Variants in DOCK4 observed in about 807,000 individuals in gnomAD.
The protein encoded by DOCK4 is dedicator of cytokinesis 4.
DOCK4 carries 97 observed loss-of-function variants against 268.1 expected under a neutral mutation model. The ratio of observed to expected loss-of-function variants is 0.36; its 90% confidence interval spans 0.31 to 0.43. The LOEUF is 0.43. DOCK4 is among the 20% of genes least tolerant of loss of function. The pLI is 1.00. For missense variants in DOCK4, 2,145 were observed against 2,455.7 expected (o/e 0.87, Z 2.67); for synonymous variants, 954 against 887.2 (o/e 1.08, Z -1.34).
intron 1 of DOCK4, among the ~76,000 whole-genome samples, chr7:112,053,723 T>C (rs1425879221): frequency 6.6e-6 from 1 of 151,448 alleles, no homozygotes; most frequent in East Asian, 1.9e-4. Flanking sequence ...AAACCAGCTA[T>C]GTCTATCAGA....
At chr7:111,891,189 GA>G (rs11396137) in intron 16 of DOCK4, among the ~76,000 whole-genome samples, 2 of 150,232 alleles carry the variant, frequency 1.3e-5, no homozygotes, top group South Asian at 2.1e-4. Context: ...TGGTCAAAAT[GA>G]AAAAAAAATT....
At chr7:112,148,674 G>T (rs2560642) in intron 1 of DOCK4, among the ~76,000 whole-genome samples, 10,464 of 151,948 alleles carry the variant, frequency 0.069, 1,171 homozygotes, top group African/African-American at 0.24. Flanking sequence ...AAAGGGTTTT[G>T]TTTTGTTTTG....
intron 36 of DOCK4, among the ~76,000 whole-genome samples, chr7:111,777,389 C>A (rs905713742): frequency 2.6e-5 from 4 of 152,000 alleles, no homozygotes; most frequent in African/African-American, 9.7e-5. Flanking sequence ...ACAGAAGGAA[C>A]CTGGGAACTT....
chr7:111,815,509 G>A (rs1205560475), intron 27 of DOCK4, among the ~76,000 whole-genome samples: 1 of 152,106 alleles, frequency 6.6e-6, no homozygotes, highest in Non-Finnish European at 1.5e-5. Flanking sequence ...GTTTGAATAT[G>A]GGGATATTGC....
intron 36 of DOCK4, among the ~76,000 whole-genome samples, chr7:111,772,444 A>G (rs904858365): frequency 6.6e-6 from 1 of 152,152 alleles, no homozygotes; most frequent in Non-Finnish European, 1.5e-5. Context: ...ACTTAATACC[A>G]CTGAACTGTA....
Position 112,206,312 on chromosome 7 carries a change from G to A in DOCK4, c.-174C>T. 10 of 659,562 alleles carry A rather than the reference G, an allele frequency of 1.5e-5. No homozygotes were observed. Among genetic ancestry groups the A allele is most frequent in the Non-Finnish European group, 2.3e-5 (9 of 392,904 alleles). 40.9% of individuals were successfully genotyped at this position (659,562 alleles called of 1,614,324 possible). On this transcript the variant is annotated 5_prime_UTR_variant, in exon 1 of 53. Coordinates refer to ENST00000428084, the MANE Select transcript of DOCK4 (RefSeq NM_001363540.2). ...GGCTCCCGAGCCCAGCGTTGACACT[G>A]CGCCGCCCGCAGCTCTCCCGGCGGC...
chr7:112,041,681 T>A (rs1804375373), intron 1 of DOCK4, among the ~76,000 whole-genome samples: 1 of 152,194 alleles, frequency 6.6e-6, no homozygotes, highest in South Asian at 2.1e-4. Context: ...TAGTAAGTGG[T>A]TCCTGTTCTG....
chr7:111,932,749 G>A (rs1004692477), intron 12 of DOCK4, among the ~76,000 whole-genome samples: 3 of 151,950 alleles, frequency 2.0e-5, no homozygotes, highest in East Asian at 1.9e-4. Flanking sequence ...TTCAAAATAC[G>A]GTATGTTCTT....
intron 1 of DOCK4, among the ~76,000 whole-genome samples, chr7:112,069,913 G>C (rs1472923435): frequency 6.6e-6 from 1 of 152,324 alleles, no homozygotes; most frequent in African/African-American, 2.4e-5. Flanking sequence ...GGCACGTGCA[G>C]CCATGGGAAG....
intron 1 of DOCK4, among the ~76,000 whole-genome samples, chr7:112,092,765 A>G (rs1809749945): frequency 6.6e-6 from 1 of 152,186 alleles, no homozygotes; most frequent in Non-Finnish European, 1.5e-5. Flanking sequence ...TCAGAAGGCC[A>G]TAATCACTAT....
intron 5 of DOCK4, among the ~76,000 whole-genome samples, chr7:111,990,756 C>T (rs1799456442): frequency 6.6e-6 from 1 of 152,222 alleles, no homozygotes; most frequent in South Asian, 2.1e-4. Context: ...CATTACAAGG[C>T]CACTGTAACA....
intron 25 of DOCK4, among the ~76,000 whole-genome samples, chr7:111,836,998 T>C (rs902712196): frequency 2.6e-5 from 4 of 151,938 alleles, no homozygotes; most frequent in African/African-American, 4.8e-5. Context: ...TTCAAACTCT[T>C]TGAAAATTAT....
chr7:112,130,072 G>T lies in DOCK4; in HGVS notation c.37+76030C>A, dbSNP rs185162724. On this transcript the variant is annotated intron_variant, in intron 1 of 52. Coordinates refer to ENST00000428084, the MANE Select transcript of DOCK4 (RefSeq NM_001363540.2). ...TTTAACTCTGCCTGGAAAGGTCAGGGGAGGCTTCCCGCATTCAGGGAAATT... is the reference window on the plus strand; with the variant it reads ...TTTAACTCTGCCTGGAAAGGTCAGGTGAGGCTTCCCGCATTCAGGGAAATT... Among the ~76,000 whole-genome samples the T allele has an allele frequency of 1.1e-3, 172 of 152,296 alleles. 2 individuals carry two copies. Among genetic ancestry groups the T allele is most frequent in the Admixed American group, 1.4e-3 (22 of 15,306 alleles).
intron 42 of DOCK4, among the ~76,000 whole-genome samples, chr7:111,751,263 G>A (rs1248356335): frequency 2.0e-5 from 3 of 152,254 alleles, no homozygotes; most frequent in Middle Eastern, 3.4e-3. Context: ...GATGCAGTCT[G>A]CAGAATCCAC....
chr7:112,156,848 T>G (rs1285708928), intron 1 of DOCK4, among the ~76,000 whole-genome samples: 1 of 152,182 alleles, frequency 6.6e-6, no homozygotes, highest in African/African-American at 2.4e-5. Flanking sequence ...TATTAGAATA[T>G]ATAAGTAAAG....
chr7:112,182,951 T>C lies in DOCK4; in HGVS notation c.37+23151A>G, dbSNP rs1819186850. ...GCACAGCTGGCTGGGCCCAGTGGAATTCTGGCTGGCTTCCAGCTGCCACTT... is the reference window on the plus strand; with the variant it reads ...GCACAGCTGGCTGGGCCCAGTGGAACTCTGGCTGGCTTCCAGCTGCCACTT... On this transcript the variant is annotated intron_variant, in intron 1 of 52. Transcript: ENST00000428084. Among the ~76,000 whole-genome samples, 3 of 152,246 alleles carry C rather than the reference T, an allele frequency of 2.0e-5. No homozygotes were observed. In the South Asian group the frequency reaches 6.2e-4, roughly 31 times the overall value.
intron 8 of DOCK4, among the ~76,000 whole-genome samples, chr7:111,949,508 G>A (rs1795887059): frequency 6.6e-6 from 1 of 151,948 alleles, no homozygotes; most frequent in Admixed American, 6.6e-5. Flanking sequence ...ATATCAATAT[G>A]TCCTAAGCCA....
chr7:111,729,076 C>T (rs896476045), intron 52 of DOCK4, among the ~76,000 whole-genome samples: 1 of 152,148 alleles, frequency 6.6e-6, no homozygotes, highest in Non-Finnish European at 1.5e-5. Context: ...TGAGAAAATA[C>T]ATTCCCAGTG....
chr7:111,984,323 T>C lies in DOCK4; in HGVS notation c.532A>G (p.Thr178Ala). The change falls in exon 7 of 53, where the codon ACT becomes GCT. Residue 178 changes from threonine to alanine, a missense_variant. This residue lies in a region of DOCK4 where 1,598 missense variants were observed against 1,986.7 expected (regional missense o/e 0.80). Coordinates refer to ENST00000428084, the MANE Select transcript of DOCK4 (RefSeq NM_001363540.2). ...AMVDPEDISI[T>A]ELYRLMEHRH... ...GTACCTACCAATCGGTAGAGCTCAGTAATGCTGATGTCTTCCGGATCCACC... is the reference window on the plus strand; with the variant it reads ...GTACCTACCAATCGGTAGAGCTCAGCAATGCTGATGTCTTCCGGATCCACC... 3.1e-6 allele frequency: 5 copies of C among 1,612,946 alleles called. No homozygotes were observed. The highest frequency in any genetic ancestry group is 3.4e-6 in the Non-Finnish European group (4 of 1,179,410).
Sources: allele counts gnomAD v4.1 joint callset (sites outside exome capture counted in the v4.1 genomes callset), GRCh38; gene constraint gnomAD v4.1.1; regional missense constraint gnomAD v4.1.1; transcripts MANE v1.5; gene names NCBI Gene and HGNC (gene_info 2026-07-23, HGNC 2026-07-21).